The following CSMD2 variants were observed in gnomAD, a reference collection of about 807,000 sequenced individuals.
The protein encoded by CSMD2 is CUB and sushi domain-containing protein 2.
CSMD2 carries 130 observed loss-of-function variants against 398.5 expected under a neutral mutation model. That is an observed-to-expected ratio of 0.33 (90% CI 0.28 to 0.38). The LOEUF (loss-of-function observed/expected upper bound fraction) is 0.38. Among genes scored for constraint, CSMD2 ranks in the 10% least tolerant of loss-of-function variants. The pLI is 1.00. For missense variants in CSMD2, 3,829 were observed against 4,764.9 expected, an observed-to-expected ratio of 0.80 and a Z score of 5.78; for synonymous variants, 1,828 against 1,908.5, an observed-to-expected ratio of 0.96 and a Z score of 1.10.
chr1:33,995,278 G>A (rs1041008399), intron 3 of CSMD2, among the ~76,000 whole-genome samples: 5 of 152,166 alleles, frequency 3.3e-5, no homozygotes, highest in African/African-American at 1.2e-4. Flanking sequence ...AAAATGACAA[G>A]TCCCAGTTGT....
At chr1:33,548,362 T>C (rs1167684973) in intron 56 of CSMD2, among the ~76,000 whole-genome samples, 2 of 152,182 alleles carry the variant, frequency 1.3e-5, no homozygotes, top group African/African-American at 4.8e-5. Context: ...AGTAGATAGA[T>C]GGCAACTATT....
intron 1 of CSMD2, among the ~76,000 whole-genome samples, chr1:34,093,305 G>C (rs981927996): frequency 6.6e-6 from 1 of 152,126 alleles, no homozygotes; most frequent in East Asian, 1.9e-4. Flanking sequence ...ACAAAGATGG[G>C]GAAAAAACAG....
intron 3 of CSMD2, among the ~76,000 whole-genome samples, chr1:33,966,897 G>A (rs1030449966): frequency 1.3e-5 from 2 of 152,156 alleles, no homozygotes; most frequent in African/African-American, 4.8e-5. Context: ...ACAACAGCTG[G>A]GAGCCACGTC....
intron 46 of CSMD2, among the ~76,000 whole-genome samples, chr1:33,586,152 G>A (rs1639071182): frequency 6.6e-6 from 1 of 152,244 alleles, no homozygotes; most frequent in African/African-American, 2.4e-5. Flanking sequence ...CAGTAAAGCA[G>A]GGATGGTGTG....
chr1:33,692,425 T>C (rs1483451839), intron 25 of CSMD2, among the ~76,000 whole-genome samples: 1 of 152,226 alleles, frequency 6.6e-6, no homozygotes, highest in Non-Finnish European at 1.5e-5. Flanking sequence ...CCAGGGGCCA[T>C]ACAGCTAAAG....
At chr1:33,680,805 A>G (rs1344264083) in intron 25 of CSMD2, among the ~76,000 whole-genome samples, 1 of 152,160 alleles carries the variant, frequency 6.6e-6, no homozygotes, top group Non-Finnish European at 1.5e-5. Context: ...GAAGTGTGTG[A>G]AAAATTAACC....
chr1:33,826,220 T>C (rs1658797351), intron 6 of CSMD2, among the ~76,000 whole-genome samples: 1 of 152,212 alleles, frequency 6.6e-6, no homozygotes. Flanking sequence ...GATCAGAATA[T>C]GGGCCCAAAT....
intron 12 of CSMD2, among the ~76,000 whole-genome samples, chr1:33,778,255 G>C: frequency 6.6e-6 from 1 of 152,010 alleles, no homozygotes; most frequent in Admixed American, 6.6e-5. Context: ...GAGTGCAGTG[G>C]TGCTATCACA....
intron 5 of CSMD2, among the ~76,000 whole-genome samples, chr1:33,857,399 T>C (rs981287026): frequency 1.3e-5 from 2 of 152,166 alleles, no homozygotes; most frequent in South Asian, 2.1e-4. Flanking sequence ...GAAGAAATGA[T>C]TGGCTGCTAT....
At chr1:33,626,352 A>G (rs1642127918) in intron 33 of CSMD2, 134 bp downstream of exon 33, 2 of 547,472 alleles carry the variant, frequency 3.7e-6, no homozygotes, top group Admixed American at 7.3e-5. Context: ...GAATTGCCCT[A>G]CAAACTAGTA....
chr1:33,866,465 T>C (rs1377039786), intron 5 of CSMD2, among the ~76,000 whole-genome samples: 1 of 152,224 alleles, frequency 6.6e-6, no homozygotes, highest in Non-Finnish European at 1.5e-5. Context: ...GACAACTTTG[T>C]AGGCATGCTG....
At chr1:33,864,898 G>GAGAGGAC (rs1460794533) in intron 5 of CSMD2, 2 of 582,354 alleles carry the variant, frequency 3.4e-6, no homozygotes, top group Non-Finnish European at 5.7e-6. Flanking sequence ...GAGGGGAACG[G>GAGAGGAC]AGAGGACGGG....
At chr1:33,536,145 T>G (rs1014793672) in intron 62 of CSMD2, among the ~76,000 whole-genome samples, 1 of 152,204 alleles carries the variant, frequency 6.6e-6, no homozygotes, top group Non-Finnish European at 1.5e-5. Context: ...CATGTCCAGG[T>G]GAGTCCGATA....
At chr1:33,531,397 C>T (rs1441155322) in intron 64 of CSMD2, among the ~76,000 whole-genome samples, 1 of 152,156 alleles carries the variant, frequency 6.6e-6, no homozygotes, top group Non-Finnish European at 1.5e-5. Flanking sequence ...GTGGGAATAA[C>T]ATGGTGCAAG....
At chr1:34,107,629 T>C (rs1660649675) in intron 1 of CSMD2, among the ~76,000 whole-genome samples, 2 of 152,136 alleles carry the variant, frequency 1.3e-5, no homozygotes, top group African/African-American at 4.8e-5. Context: ...GATGGATGGA[T>C]AGGTGGGTGG....
intron 13 of CSMD2, among the ~76,000 whole-genome samples, chr1:33,745,796 T>C (rs1647300996): frequency 6.6e-6 from 1 of 152,232 alleles, no homozygotes; most frequent in Non-Finnish European, 1.5e-5. Flanking sequence ...TTAGGTAATG[T>C]AATATATAGT....
intron 51 of CSMD2, among the ~76,000 whole-genome samples, chr1:33,570,970 C>T (rs879262551): frequency 7.2e-5 from 11 of 152,158 alleles, no homozygotes; most frequent in African/African-American, 1.4e-4. Context: ...AAGAGCACCC[C>T]CTAATAAGCC....
chr1:33,563,308 C>T (rs1319411572), intron 53 of CSMD2, among the ~76,000 whole-genome samples: 1 of 152,002 alleles, frequency 6.6e-6, no homozygotes, highest in Non-Finnish European at 1.5e-5. Flanking sequence ...AATAGACTAA[C>T]CTCACTAAGG....
At chr1:33,781,951 G>T (rs1652826269) in intron 12 of CSMD2, among the ~76,000 whole-genome samples, 1 of 151,486 alleles carries the variant, frequency 6.6e-6, no homozygotes, top group Admixed American at 6.6e-5. Context: ...GGAAGCAAAT[G>T]CCCCAATTTT....
Sources: gnomAD v4.1 joint callset for allele counts (sites outside exome capture counted in the v4.1 genomes callset) on GRCh38, gnomAD v4.1.1 for gene constraint, MANE v1.5 for transcripts, NCBI Gene and HGNC (gene_info 2026-07-23, HGNC 2026-07-21) for gene names.